MINDY2: variants seen among roughly 807,000 people sequenced by gnomAD.
The protein encoded by MINDY2 is MINDY lysine 48 deubiquitinase 2, also known as ubiquitin carboxyl-terminal hydrolase MINDY-2.
Under a neutral mutation model 68.2 loss-of-function variants are expected in MINDY2, and 52 were observed. The ratio of observed to expected loss-of-function variants is 0.76; its 90% confidence interval spans 0.61 to 0.96. The LOEUF (loss-of-function observed/expected upper bound fraction) is 0.96, where lower values mean the gene tolerates loss of function less well. Ranked by LOEUF, MINDY2 falls within the 40% of genes least tolerant of loss-of-function variation. The probability of loss-of-function intolerance (pLI) is 0.00; values close to 1 mark genes in which losing one functional copy is unlikely to be tolerated. For missense variants in MINDY2, 881 were observed against 773.4 expected, an observed-to-expected ratio of 1.14 and a Z score of -1.65; for synonymous variants, 372 against 303.0, an observed-to-expected ratio of 1.23 and a Z score of -2.36.
chr15:58,789,837 G>T (rs1357307881), intron 2 of MINDY2, among the ~76,000 whole-genome samples: 1 of 152,056 alleles, frequency 6.6e-6, no homozygotes, highest in Non-Finnish European at 1.5e-5. Flanking sequence ...AGTAGAGATG[G>T]GGTTTCTCCA....
rs2033183346 is a variant in MINDY2, at chr15:58,860,393, A to C, written c.*5783A>C. ...CGAGACCAGCCTGGCCAACATGGTG[A>C]AACCCTGTCTCTACTAAAAATACAA... On this transcript the variant is annotated 3_prime_UTR_variant, in exon 9 of 9. Coordinates refer to ENST00000559228, the MANE Select transcript of MINDY2 (RefSeq NM_001040450.3). 6.6e-6 allele frequency: 1 copy of C among 152,018 alleles called. No homozygotes were observed. Among genetic ancestry groups the C allele is most frequent in the Admixed American group, 6.6e-5 (1 of 15,246 alleles). 9.4% of individuals were successfully genotyped at this position (152,018 alleles called of 1,614,324 possible). A position where few individuals can be genotyped will look rare whatever the true frequency, so the allele number is the denominator to read the frequency against.
At chr15:58,775,133 G>T (rs761597359) in intron 1 of MINDY2, among the ~76,000 whole-genome samples, 1 of 152,170 alleles carries the variant, frequency 6.6e-6, no homozygotes, top group Non-Finnish European at 1.5e-5. Context: ...ACAAGTGTCC[G>T]TGGAGTTTTT....
At chr15:58,837,495 C>A (rs1033880932) in intron 6 of MINDY2, among the ~76,000 whole-genome samples, 2 of 151,080 alleles carry the variant, frequency 1.3e-5, no homozygotes, top group African/African-American at 4.9e-5. Context: ...ATCACTTGAG[C>A]CCTGAGCCCA....
At chr15:58,775,120 C>G (rs1432396501) in intron 1 of MINDY2, among the ~76,000 whole-genome samples, 5 of 152,174 alleles carry the variant, frequency 3.3e-5, no homozygotes, top group Admixed American at 1.3e-4. Context: ...CTCTTACTCT[C>G]TTACAAGTGT....
At chr15:58,849,273 C>T (rs551592964) in intron 7 of MINDY2, among the ~76,000 whole-genome samples, 12 of 151,652 alleles carry the variant, frequency 7.9e-5, no homozygotes, top group East Asian at 1.9e-4. Context: ...GAGGCCAAGG[C>T]GGGCCGATCA....
chr15:58,837,039 A>G (rs754766972), intron 6 of MINDY2, among the ~76,000 whole-genome samples: 1 of 152,192 alleles, frequency 6.6e-6, no homozygotes, highest in Admixed American at 6.5e-5. Context: ...GAACCCCTAA[A>G]GGAATACTTT....
At chr15:58,781,992 T>G (rs1171288223) in intron 1 of MINDY2, among the ~76,000 whole-genome samples, 16 of 152,166 alleles carry the variant, frequency 1.1e-4, no homozygotes. Flanking sequence ...TTTTTAAGTA[T>G]AGTATTACTA....
chr15:58,797,572 G>C lies in MINDY2; in HGVS notation c.899-4741G>C, dbSNP rs143504796. Reference sequence around the variant, plus strand: ...TTGACCTTTATTAATGTGGCTGCTAGAAAATTTAAAATTACATTTGAGCTC... The same window carrying C: ...TTGACCTTTATTAATGTGGCTGCTACAAAATTTAAAATTACATTTGAGCTC... On this transcript the variant is annotated intron_variant, in intron 2 of 8. Transcript: ENST00000559228. Among the ~76,000 whole-genome samples, 455 of 152,252 alleles carry C rather than the reference G, an allele frequency of 3.0e-3. 2 individuals carry two copies. Among genetic ancestry groups the C allele is most frequent in the African/African-American group, 0.01 (435 of 41,536 alleles).
chr15:58,772,000 C>T lies in MINDY2; in HGVS notation c.605C>T (p.Pro202Leu), dbSNP rs746862134. The change falls in exon 1 of 9, where the codon CCT (proline) becomes CTT (leucine). Residue 202 changes from proline to leucine, a missense_variant. Pro to Leu is a moderately conservative substitution (Grantham distance 98). Transcript: ENST00000559228. The stretch of plus-strand genomic sequence containing the variant: ...GAGGAGGGAGCGGAGAACAGGGTCC[C>T]TGAGGAGGAGGAGGGCGCGGCGGTG... ...NSEEGAENRVPEEEEGAAVLP... is the reference protein window; with the variant it reads ...NSEEGAENRVLEEEEGAAVLP... The T allele has an allele frequency of 4.4e-6, 7 of 1,591,340 alleles. No individual in the cohort carries two copies. Among genetic ancestry groups the T allele is most frequent in the Non-Finnish European group, 4.3e-6 (5 of 1,169,674 alleles).
intron 8 of MINDY2, among the ~76,000 whole-genome samples, chr15:58,853,688 C>T (rs1595789527): frequency 6.6e-6 from 1 of 151,540 alleles, no homozygotes; most frequent in Non-Finnish European, 1.5e-5. Context: ...GGTGTGGTGG[C>T]GTGCACCTGT....
At chr15:58,830,226 A>C (rs2031640167) in intron 5 of MINDY2, among the ~76,000 whole-genome samples, 1 of 152,206 alleles carries the variant, frequency 6.6e-6, no homozygotes, top group Non-Finnish European at 1.5e-5. Context: ...AATATGAGTG[A>C]GTTTTTAAGG....
At chr15:58,817,467 T>G (rs1490336551) in intron 4 of MINDY2, among the ~76,000 whole-genome samples, 1 of 152,208 alleles carries the variant, frequency 6.6e-6, no homozygotes, top group Non-Finnish European at 1.5e-5. Flanking sequence ...GGCTCACACC[T>G]GTAATCCCAG....
chr15:58,783,431 T>G lies in MINDY2; in HGVS notation c.841-4475T>G, dbSNP rs1365984999. Among the ~76,000 whole-genome samples, 3 of 152,220 alleles carry G rather than the reference T, an allele frequency of 2.0e-5. No homozygotes were observed. The East Asian group carries it at 5.8e-4, about 29-fold the overall frequency. The stretch of plus-strand genomic sequence containing the variant: ...CATCACCTACATAAACTGCTTCTTA[T>G]TTCTTAGTTATTGCTGAGTCCCCTG... On this transcript the variant is annotated intron_variant, in intron 1 of 8. Coordinates refer to ENST00000559228, the MANE Select transcript of MINDY2 (RefSeq NM_001040450.3).
At chr15:58,806,845 T>G (rs188155084) in intron 3 of MINDY2, among the ~76,000 whole-genome samples, 6 of 152,316 alleles carry the variant, frequency 3.9e-5, no homozygotes, top group African/African-American at 9.6e-5. Context: ...CTGGTTGTTT[T>G]TAAGCGTTTA....
At chr15:58,788,279 T>A (rs772855859) in intron 2 of MINDY2, among the ~76,000 whole-genome samples, 4 of 152,174 alleles carry the variant, frequency 2.6e-5, no homozygotes, top group Non-Finnish European at 4.4e-5. Flanking sequence ...TAGAAAGTGT[T>A]CAAAAATATT....
chr15:58,846,485 C>G (rs536160567), intron 6 of MINDY2, among the ~76,000 whole-genome samples: 1 of 151,452 alleles, frequency 6.6e-6, no homozygotes, highest in African/African-American at 2.4e-5. Flanking sequence ...CCCAGCTACT[C>G]AGGAGGCTGA....
At chr15:58,819,695 T>A (rs1049926253) in intron 4 of MINDY2, among the ~76,000 whole-genome samples, 5 of 152,130 alleles carry the variant, frequency 3.3e-5, no homozygotes, top group Non-Finnish European at 7.4e-5. Context: ...AAATTCAGAT[T>A]ATTTGAAAAG....
At position 58,772,014 on chromosome 15, in the gene MINDY2, G is replaced by GAGC. The variant is rs774194069; in HGVS notation, c.619_620insAGC (p.Gly207delinsGluArg). The GAGC allele has an allele frequency of 6.3e-7, 1 of 1,596,224 alleles. No individual in the cohort carries two copies. Among genetic ancestry groups the GAGC allele is most frequent in the East Asian group, 2.2e-5 (1 of 44,776 alleles). On this transcript the variant is annotated protein_altering_variant, in exon 1 of 9. Coordinates refer to ENST00000559228, the MANE Select transcript of MINDY2 (RefSeq NM_001040450.3). ...GAACAGGGTCCCTGAGGAGGAGGAG[G>GAGC]GCGCGGCGGTGTTGCCCGGGGCTGT...
At chr15:58,833,588 G>A (rs977695481) in intron 6 of MINDY2, among the ~76,000 whole-genome samples, 6 of 152,174 alleles carry the variant, frequency 3.9e-5, no homozygotes, top group African/African-American at 1.4e-4. Context: ...AGGTAAACAC[G>A]TGAACAAATG....
Sources: gnomAD v4.1 joint callset for allele counts (sites outside exome capture counted in the v4.1 genomes callset) on GRCh38, gnomAD v4.1.1 for gene constraint, MANE v1.5 for transcripts, NCBI Gene and HGNC (gene_info 2026-07-23, HGNC 2026-07-21) for gene names.